CSMD3: variants seen among roughly 807,000 people sequenced by gnomAD.
CSMD3 encodes the protein CUB and sushi domain-containing protein 3.
CSMD3 carries 177 observed loss-of-function variants against 435.2 expected under a neutral mutation model. The observed-to-expected ratio is 0.41, with a 90% confidence interval of 0.36 to 0.46. CSMD3 has a LOEUF of 0.46. Ranked by LOEUF, CSMD3 falls within the 20% of genes least tolerant of loss-of-function variation. The pLI is 0.34. For synonymous variants in CSMD3, 1,656 were observed against 1,520.5 expected, an observed-to-expected ratio of 1.09 and a Z score of -2.07; for missense variants, 4,265 against 4,504.6, an observed-to-expected ratio of 0.95 and a Z score of 1.52.
intron 1 of CSMD3, among the ~76,000 whole-genome samples, chr8:113,417,313 G>A (rs896617046): frequency 3.3e-5 from 5 of 151,910 alleles, no homozygotes; most frequent in Non-Finnish European, 5.9e-5. Context: ...ATGTAGAAAA[G>A]CTAGTTCCCA....
At chr8:112,589,073 T>C (rs1455139077) in intron 22 of CSMD3, among the ~76,000 whole-genome samples, 1 of 152,170 alleles carries the variant, frequency 6.6e-6, no homozygotes, top group East Asian at 1.9e-4. Flanking sequence ...AAAATACAAA[T>C]GGTTTTAGTT....
intron 27 of CSMD3, among the ~76,000 whole-genome samples, chr8:112,546,598 C>A (rs955481279): frequency 6.6e-6 from 1 of 152,124 alleles, no homozygotes. Flanking sequence ...CTGTCAGAAT[C>A]TACTATTCTG....
chr8:113,297,699 C>T (rs1408776106), intron 2 of CSMD3, among the ~76,000 whole-genome samples: 4 of 151,954 alleles, frequency 2.6e-5, no homozygotes, highest in Non-Finnish European at 4.4e-5. Flanking sequence ...GATTCATAGT[C>T]TATTCAGCCT....
chr8:112,804,128 T>G (rs1282816030), intron 12 of CSMD3, among the ~76,000 whole-genome samples: 1 of 152,200 alleles, frequency 6.6e-6, no homozygotes, highest in Non-Finnish European at 1.5e-5. Flanking sequence ...GCCATTGATT[T>G]CCATTAGCAG....
intron 6 of CSMD3, among the ~76,000 whole-genome samples, chr8:112,989,273 TAC>T (rs2085362438): frequency 6.6e-6 from 1 of 152,074 alleles, no homozygotes; most frequent in African/African-American, 2.4e-5. Flanking sequence ...ACTGTCAGAT[TAC>T]ACAGATTTTT....
intron 49 of CSMD3, 61 bp downstream of exon 49, chr8:112,313,845 T>C: frequency 7.5e-7 from 1 of 1,334,466 alleles, no homozygotes; most frequent in African/African-American, 1.4e-5. Context: ...CTCTGCTCCT[T>C]AATCATAATC....
chr8:113,341,612 C>A (rs933288678), intron 1 of CSMD3, among the ~76,000 whole-genome samples: 1 of 151,950 alleles, frequency 6.6e-6, no homozygotes, highest in South Asian at 2.1e-4. Flanking sequence ...ATAGGAGTAT[C>A]TGAAAGGCTG....
At chr8:112,914,399 C>G (rs112555239) in intron 10 of CSMD3, among the ~76,000 whole-genome samples, 2 of 151,632 alleles carry the variant, frequency 1.3e-5, no homozygotes, top group Non-Finnish European at 2.9e-5. Flanking sequence ...AACAAAACAT[C>G]CATTCATTCA....
intron 31 of CSMD3, among the ~76,000 whole-genome samples, chr8:112,478,529 T>G (rs1237353183): frequency 6.6e-6 from 1 of 152,212 alleles, no homozygotes; most frequent in Non-Finnish European, 1.5e-5. Context: ...CATGTCCTAG[T>G]ACATGTCCTA....
chr8:113,257,128 G>A (rs1376903854), intron 3 of CSMD3, among the ~76,000 whole-genome samples: 2 of 152,154 alleles, frequency 1.3e-5, no homozygotes, highest in African/African-American at 4.8e-5. Flanking sequence ...AACAAAACGG[G>A]CCGGGCGCAG....
chr8:113,033,325 G>A (rs193044591), intron 5 of CSMD3, among the ~76,000 whole-genome samples: 2 of 151,784 alleles, frequency 1.3e-5, no homozygotes, highest in Admixed American at 1.3e-4. Context: ...ACCCTGCAGA[G>A]CCACAGGGGT....
intron 22 of CSMD3, among the ~76,000 whole-genome samples, chr8:112,620,718 T>C (rs1834003682): frequency 6.6e-6 from 1 of 152,154 alleles, no homozygotes; most frequent in Non-Finnish European, 1.5e-5. Context: ...AGACCCTGCA[T>C]TTGATCCCCG....
intron 4 of CSMD3, among the ~76,000 whole-genome samples, chr8:113,162,392 C>A (rs1339782560): frequency 6.6e-6 from 1 of 151,392 alleles, no homozygotes; most frequent in Non-Finnish European, 1.5e-5. Flanking sequence ...ATGGAGAAAC[C>A]CTGTCGCTAC....
intron 31 of CSMD3, among the ~76,000 whole-genome samples, chr8:112,484,497 A>C (rs550649793): frequency 5.9e-5 from 9 of 151,772 alleles, no homozygotes; most frequent in East Asian, 1.9e-4. Context: ...ACACACCCAC[A>C]CACACACACA....
intron 61 of CSMD3, among the ~76,000 whole-genome samples, chr8:112,258,519 C>T (rs1374203576): frequency 6.6e-6 from 1 of 152,106 alleles, no homozygotes; most frequent in South Asian, 2.1e-4. Context: ...AACAAACACA[C>T]GGAGAAAAGC....
intron 3 of CSMD3, among the ~76,000 whole-genome samples, chr8:113,272,041 T>C (rs1445361569): frequency 6.6e-6 from 1 of 152,082 alleles, no homozygotes; most frequent in East Asian, 1.9e-4. Flanking sequence ...TTATGGACAA[T>C]TTCTCCCATT....
At chr8:112,948,752 G>GA (rs1186187327) in intron 8 of CSMD3, among the ~76,000 whole-genome samples, 2 of 151,302 alleles carry the variant, frequency 1.3e-5, no homozygotes, top group Non-Finnish European at 2.9e-5. Flanking sequence ...ATTCCAGAGA[G>GA]AAAAAAAATC....
In CSMD3 at chr8:113,339,458, GTTATT is replaced by G. The variant is rs543255763; in HGVS notation, c.179-24670_179-24666del. Among the ~76,000 whole-genome samples, 557 of 152,042 alleles carry G rather than the reference GTTATT, an allele frequency of 3.7e-3. 2 individuals are homozygous for G. The highest frequency in any genetic ancestry group is 0.013 in the African/African-American group (538 of 41,528). On this transcript the variant is annotated intron_variant, in intron 1 of 70. Coordinates refer to ENST00000297405, the MANE Select transcript of CSMD3 (RefSeq NM_198123.2). ...GGTTGTTACCAAAAAAATGCATTAA[GTTATT>G]TTATTTTCTTCAGAAGAGGACAATT...
chr8:112,758,900 G>C (rs966072586), intron 13 of CSMD3, among the ~76,000 whole-genome samples: 7 of 152,032 alleles, frequency 4.6e-5, no homozygotes, highest in South Asian at 2.1e-4. Flanking sequence ...AGAAATAAAT[G>C]CAAAACAGAA....
Sources: allele counts gnomAD v4.1 joint callset (sites outside exome capture counted in the v4.1 genomes callset), GRCh38; gene constraint gnomAD v4.1.1; transcripts MANE v1.5; gene names NCBI Gene and HGNC (gene_info 2026-07-23, HGNC 2026-07-21).